Variants in CDKAL1 observed in about 807,000 individuals in gnomAD.
CDKAL1 encodes the protein threonylcarbamoyladenosine tRNA methylthiotransferase.
In CDKAL1, 32 loss-of-function variants were observed where a neutral mutation model predicts 68.2. That is an observed-to-expected ratio of 0.47 (90% CI 0.35 to 0.63). The LOEUF (loss-of-function observed/expected upper bound fraction) is 0.63. Among genes scored for constraint, CDKAL1 ranks in the 30% least tolerant of loss-of-function variants. The pLI is 0.00. For missense variants in CDKAL1, 606 were observed against 696.7 expected (o/e 0.87, Z 1.47); for synonymous variants, 234 against 244.3 (o/e 0.96, Z 0.39).
chr6:20,549,619 T>TTTAC (rs1185612700), intron 4 of CDKAL1, among the ~76,000 whole-genome samples: 5 of 114,070 alleles, frequency 4.4e-5, no homozygotes, highest in African/African-American at 1.6e-4. Context: ...TATTTATTTA[T>TTTAC]TTACTTTGAG....
At chr6:20,952,943 C>T (rs886618993) in intron 9 of CDKAL1, among the ~76,000 whole-genome samples, 5 of 152,164 alleles carry the variant, frequency 3.3e-5, no homozygotes, top group African/African-American at 1.2e-4. Flanking sequence ...TGAAATACAC[C>T]CTTACAAAAG....
At chr6:20,994,997 A>G (rs1443192048) in intron 10 of CDKAL1, among the ~76,000 whole-genome samples, 1 of 152,218 alleles carries the variant, frequency 6.6e-6, no homozygotes, top group African/African-American at 2.4e-5. Context: ...CTTTGTTGTC[A>G]TTTCAACAGT....
At chr6:20,743,853 G>A (rs573091726) in intron 6 of CDKAL1, among the ~76,000 whole-genome samples, 4 of 152,286 alleles carry the variant, frequency 2.6e-5, no homozygotes, top group South Asian at 2.1e-4. Context: ...CAATGGAAGC[G>A]GAGAGAGAAC....
At chr6:20,678,465 A>G (rs58000714) in intron 5 of CDKAL1, among the ~76,000 whole-genome samples, 222 of 152,254 alleles carry the variant, frequency 1.5e-3, no homozygotes, top group African/African-American at 5.1e-3. Flanking sequence ...CACATTTAAA[A>G]TCTTTTTCTT....
rs562960197 is a variant in CDKAL1 at position 21,190,662 on chromosome 6, C to CG, written c.1300-7356dup. Among the ~76,000 whole-genome samples, 172 of 152,274 alleles carry CG rather than the reference C, an allele frequency of 1.1e-3. 3 individuals carry two copies. Among genetic ancestry groups the CG allele is most frequent in the African/African-American group, 4.0e-3 (168 of 41,556 alleles). ...GATTACAGGCGTGAGCCGCTGCGCC[C>CG]GGGCTGATATGTGTTTTAATCTTTG... On this transcript the variant is annotated intron_variant, in intron 13 of 15. Transcript: ENST00000274695.
chr6:21,141,716 T>C (rs138177313), intron 13 of CDKAL1, among the ~76,000 whole-genome samples: 1 of 152,240 alleles, frequency 6.6e-6, no homozygotes, highest in East Asian at 1.9e-4. Context: ...GTAGAGAAAT[T>C]ATCCACATAA....
At chr6:21,030,180 G>A (rs1261898452) in intron 11 of CDKAL1, among the ~76,000 whole-genome samples, 2 of 152,120 alleles carry the variant, frequency 1.3e-5, no homozygotes, top group East Asian at 3.9e-4. Context: ...TCTTTGCAGC[G>A]ACATAGATGA....
chr6:20,820,986 G>T (rs1561805493), intron 8 of CDKAL1, among the ~76,000 whole-genome samples: 1 of 151,966 alleles, frequency 6.6e-6, no homozygotes, highest in Non-Finnish European at 1.5e-5. Context: ...AGATAGTGAT[G>T]TTTGGTCTGA....
At chr6:20,672,917 C>T (rs1177447079) in intron 5 of CDKAL1, among the ~76,000 whole-genome samples, 1 of 152,120 alleles carries the variant, frequency 6.6e-6, no homozygotes, top group Non-Finnish European at 1.5e-5. Flanking sequence ...GCTGGGATTA[C>T]AGGCGCGAGC....
intron 12 of CDKAL1, among the ~76,000 whole-genome samples, chr6:21,088,632 T>C (rs1301715074): frequency 3.9e-5 from 6 of 152,186 alleles, no homozygotes; most frequent in African/African-American, 1.4e-4. Context: ...ATAGTATTTT[T>C]CTACAAGTCT....
At chr6:20,890,703 A>C (rs1761347935) in intron 9 of CDKAL1, among the ~76,000 whole-genome samples, 1 of 152,220 alleles carries the variant, frequency 6.6e-6, no homozygotes, top group Non-Finnish European at 1.5e-5. Context: ...CAGCGGGTCT[A>C]AGATGCTGTC....
chr6:20,965,580 C>T (rs1158353837), intron 10 of CDKAL1, among the ~76,000 whole-genome samples: 1 of 152,144 alleles, frequency 6.6e-6, no homozygotes, highest in East Asian at 1.9e-4. Context: ...TAAAAATTTA[C>T]ATATTTCAAC....
At chr6:20,867,722 A>G (rs781008026) in intron 9 of CDKAL1, among the ~76,000 whole-genome samples, 5 of 152,154 alleles carry the variant, frequency 3.3e-5, no homozygotes, top group Non-Finnish European at 5.9e-5. Context: ...GTCTGGTCCT[A>G]ACCTGTTTCT....
At chr6:21,138,619 C>G (rs1182855210) in intron 13 of CDKAL1, among the ~76,000 whole-genome samples, 2 of 152,222 alleles carry the variant, frequency 1.3e-5, no homozygotes, top group East Asian at 3.8e-4. Flanking sequence ...CATAAAATCT[C>G]TTGCCTATTT....
At chr6:21,147,170 G>A (rs1361587169) in intron 13 of CDKAL1, among the ~76,000 whole-genome samples, 1 of 152,082 alleles carries the variant, frequency 6.6e-6, no homozygotes, top group Non-Finnish European at 1.5e-5. Context: ...GGACCATTTC[G>A]AGTTTTTAAT....
At chr6:20,552,413 G>A (rs1351211925) in intron 4 of CDKAL1, among the ~76,000 whole-genome samples, 1 of 151,350 alleles carries the variant, frequency 6.6e-6, no homozygotes, top group Non-Finnish European at 1.5e-5. Flanking sequence ...CTTTTTCTAT[G>A]TCATATTAAA....
intron 15 of CDKAL1, 93 bp downstream of exon 15, chr6:21,201,367 A>C (rs183425330): frequency 8.7e-7 from 1 of 1,145,760 alleles, no homozygotes; most frequent in African/African-American, 1.6e-5. Context: ...TATCATTTAT[A>C]GTTCCCTTTT....
rs561454538 is a variant in CDKAL1, at chr6:20,721,310, C to T, written c.372-18209C>T. On this transcript the variant is annotated intron_variant, in intron 5 of 15. Transcript: ENST00000274695. Reference sequence around the variant, plus strand: ...ATGAACTCATCCTTTTTTATGGCTGCATAGTATTCCATGGCTTTTATGTGC... The same window carrying T: ...ATGAACTCATCCTTTTTTATGGCTGTATAGTATTCCATGGCTTTTATGTGC... Among the ~76,000 whole-genome samples, 374 of 152,284 alleles carry T rather than the reference C, an allele frequency of 2.5e-3. 3 individuals carry two copies. The highest frequency in any genetic ancestry group is 8.5e-3 in the African/African-American group (352 of 41,566).
At chr6:20,727,291 G>A (rs1772697407) in intron 5 of CDKAL1, among the ~76,000 whole-genome samples, 1 of 152,056 alleles carries the variant, frequency 6.6e-6, no homozygotes, top group African/African-American at 2.4e-5. Flanking sequence ...CTCAGTAGCT[G>A]GGGTCTATGA....
Sources: gnomAD v4.1 joint callset for allele counts (sites outside exome capture counted in the v4.1 genomes callset) on GRCh38, gnomAD v4.1.1 for gene constraint, MANE v1.5 for transcripts, NCBI Gene and HGNC (gene_info 2026-07-23, HGNC 2026-07-21) for gene names.